GALNT10: variants seen among roughly 807,000 people sequenced by gnomAD.
GALNT10 encodes polypeptide N-acetylgalactosaminyltransferase 10.
A neutral mutation model predicts 75.0 loss-of-function variants in GALNT10; 41 were observed. The observed-to-expected ratio is 0.55, with a 90% CI of 0.43 to 0.71. GALNT10 has a LOEUF of 0.71. GALNT10 is among the 30% of genes least tolerant of loss of function. The pLI is 0.00. For missense variants in GALNT10, 727 were observed against 818.5 expected (o/e 0.89, Z 1.36); for synonymous variants, 302 against 313.0 (o/e 0.96, Z 0.37).
At chr5:154,317,897 T>C (rs1754618302) in intron 3 of GALNT10, among the ~76,000 whole-genome samples, 1 of 152,266 alleles carries the variant, frequency 6.6e-6, no homozygotes, top group African/African-American at 2.4e-5. Flanking sequence ...TTTTCCACTC[T>C]GTTAACTTCA....
rs558247615 is a variant in GALNT10, at chr5:154,273,663, G to A, written c.160-21153G>A. Among the ~76,000 whole-genome samples the A allele has an allele frequency of 2.0e-5, 3 of 152,286 alleles. 1 individual carries two copies. The highest frequency in any genetic ancestry group is 2.1e-4 in the South Asian group (1 of 4,824). ...TCTCTAGGGGGTGAGAGTAAGGGTT[G>A]GGAGTAGGGAGAAATTTTTATTTTT... On this transcript the variant is annotated intron_variant, in intron 1 of 11. Transcript: ENST00000297107.
intron 4 of GALNT10, among the ~76,000 whole-genome samples, chr5:154,339,589 A>G (rs1333357324): frequency 6.6e-6 from 1 of 152,134 alleles, no homozygotes; most frequent in East Asian, 1.9e-4. Flanking sequence ...AAATCAAATA[A>G]ATCGCTCAGA....
intron 3 of GALNT10, among the ~76,000 whole-genome samples, chr5:154,310,439 TTG>T (rs760653810): frequency 4.1e-4 from 22 of 54,178 alleles, no homozygotes; most frequent in Non-Finnish European, 6.8e-4. Flanking sequence ...TGGGTTTTTT[TTG>T]TTTTTTTTTT....
intron 7 of GALNT10, among the ~76,000 whole-genome samples, chr5:154,394,585 G>A (rs1206257631): frequency 6.6e-6 from 1 of 152,140 alleles, no homozygotes; most frequent in African/African-American, 2.4e-5. Context: ...GTAGAGAAAA[G>A]GTGTATCCAG....
At chr5:154,367,810 A>G (rs1331806926) in intron 4 of GALNT10, among the ~76,000 whole-genome samples, 1 of 151,430 alleles carries the variant, frequency 6.6e-6, no homozygotes, top group South Asian at 2.1e-4. Flanking sequence ...GTGAGCCGAG[A>G]TCGCGCCCCT....
chr5:154,238,042 C>T (rs1435915355), intron 1 of GALNT10, among the ~76,000 whole-genome samples: 3 of 152,190 alleles, frequency 2.0e-5, no homozygotes, highest in Non-Finnish European at 4.4e-5. Context: ...GCATACCCGG[C>T]ACAGTGTTGG....
intron 3 of GALNT10, among the ~76,000 whole-genome samples, chr5:154,318,159 C>T (rs1320594537): frequency 6.6e-6 from 1 of 152,224 alleles, no homozygotes; most frequent in African/African-American, 2.4e-5. Context: ...CAGCCCTATA[C>T]AGGTGAGGTG....
intron 1 of GALNT10, among the ~76,000 whole-genome samples, chr5:154,239,122 C>T (rs1392374062): frequency 6.6e-6 from 1 of 152,196 alleles, no homozygotes; most frequent in Non-Finnish European, 1.5e-5. Flanking sequence ...GTTTCTGTAT[C>T]TTCACATCTT....
rs536323562 is a variant in GALNT10 at position 154,376,146 on chromosome 5, A to C, written c.569-131A>C. 2 of 682,150 alleles carry C rather than the reference A, an allele frequency of 2.9e-6. No individual in the cohort carries two copies. Among genetic ancestry groups the C allele is most frequent in the Admixed American group, 2.6e-5 (1 of 38,862 alleles). 42.3% of individuals were successfully genotyped at this position (682,150 alleles called of 1,614,324 possible). A position where few individuals can be genotyped will look rare whatever the true frequency, so the allele number is the denominator to read the frequency against. On this transcript the variant is annotated intron_variant, in intron 4 of 11. Transcript: ENST00000297107. This position sits in a 1 kb window ranked among gnomAD's most constrained non-coding sequence, Gnocchi z 4.1. ...ACACTGCCCTTCTTCTCCCTGTCTG[A>C]AAGGTCTAGTGAGGCAGTGTACAGG...
intron 1 of GALNT10, among the ~76,000 whole-genome samples, chr5:154,240,666 T>C (rs1337380488): frequency 1.3e-5 from 2 of 152,158 alleles, no homozygotes; most frequent in African/African-American, 2.4e-5. Flanking sequence ...GCTGGGGAAG[T>C]TGGGAAAAAT....
At chr5:154,310,692 G>A (rs1291260404) in intron 3 of GALNT10, among the ~76,000 whole-genome samples, 1 of 151,940 alleles carries the variant, frequency 6.6e-6, no homozygotes, top group Non-Finnish European at 1.5e-5. Context: ...GGCTGGTCTG[G>A]AACTCCTGAC....
At chr5:154,294,585 G>A (rs996693276) in intron 1 of GALNT10, among the ~76,000 whole-genome samples, 5 of 152,086 alleles carry the variant, frequency 3.3e-5, no homozygotes, top group African/African-American at 7.2e-5. Context: ...CTCCACCACC[G>A]ATTTGTGAGT....
intron 3 of GALNT10, among the ~76,000 whole-genome samples, chr5:154,314,205 C>T (rs1041739721): frequency 5.9e-5 from 9 of 152,132 alleles, no homozygotes. Context: ...CAAGAGGAAA[C>T]TAAGTCTCAG....
At chr5:154,241,397 G>C (rs1257944200) in intron 1 of GALNT10, among the ~76,000 whole-genome samples, 2 of 152,174 alleles carry the variant, frequency 1.3e-5, no homozygotes, top group Non-Finnish European at 2.9e-5. Flanking sequence ...GCAGATAAGT[G>C]CAAACAAAAG....
chr5:154,270,372 C>T (rs182652803), intron 1 of GALNT10, among the ~76,000 whole-genome samples: 60 of 151,198 alleles, frequency 4.0e-4, no homozygotes, highest in Non-Finnish European at 6.5e-4. Context: ...TCAAAGTTAG[C>T]ATCATTCTGC....
At position 154,282,286 on chromosome 5, in the gene GALNT10, T is replaced by C. The variant is rs145822209; in HGVS notation, c.160-12530T>C. On this transcript the variant is annotated intron_variant, in intron 1 of 11. Transcript: ENST00000297107. ...CTAATCACATCTTAAAGGTTCCACC[T>C]CCCAATACTGTTGCACTGGGGATTC... Among the ~76,000 whole-genome samples, 596 of 152,272 alleles carry C rather than the reference T, an allele frequency of 3.9e-3. 12 individuals carry two copies. The highest frequency in any genetic ancestry group is 0.027 in the Admixed American group (418 of 15,282).
At chr5:154,340,108 A>G (rs1188383497) in intron 4 of GALNT10, among the ~76,000 whole-genome samples, 1 of 151,854 alleles carries the variant, frequency 6.6e-6, no homozygotes, top group African/African-American at 2.4e-5. Context: ...TTTTGCACCA[A>G]CCTAACAGTA....
chr5:154,272,362 G>A (rs1204891534), intron 1 of GALNT10, among the ~76,000 whole-genome samples: 1 of 152,204 alleles, frequency 6.6e-6, no homozygotes, highest in Non-Finnish European at 1.5e-5. Context: ...CTGCTGACAA[G>A]TAATGTGGGA....
chr5:154,417,091 G>T lies in GALNT10; in HGVS notation c.*119G>T. 1 of 827,428 alleles carries T rather than the reference G, an allele frequency of 1.2e-6. No homozygotes were observed. The allele number at this position is 827,428 out of a possible 1,614,324, so 51.3% of individuals were successfully genotyped here. Reference sequence around the variant, plus strand: ...TAAAAGGTGCTGGCCAAATGGTTCAGGGTGAAGAGGGCTCTTGATTCAGGG... The same window carrying T: ...TAAAAGGTGCTGGCCAAATGGTTCATGGTGAAGAGGGCTCTTGATTCAGGG... On this transcript the variant is annotated 3_prime_UTR_variant, in exon 12 of 12. Transcript: ENST00000297107.
Sources: gnomAD v4.1 joint callset for allele counts (sites outside exome capture counted in the v4.1 genomes callset) on GRCh38, gnomAD v4.1.1 for gene constraint, Gnocchi (gnomAD v3.1) non-coding constraint, MANE v1.5 for transcripts, NCBI Gene and HGNC (gene_info 2026-07-23, HGNC 2026-07-21) for gene names.